Variants in RRP7A observed in about 807,000 individuals in gnomAD.
RRP7A encodes ribosomal RNA processing 7 homolog A.
Under a neutral mutation model 38.4 loss-of-function variants are expected in RRP7A, and 27 were observed. That is an observed-to-expected ratio of 0.70 (90% CI 0.52 to 0.97). RRP7A has a LOEUF of 0.97. Among genes scored for constraint, RRP7A ranks in the 50% least tolerant of loss-of-function variants. The probability of loss-of-function intolerance (pLI) is 0.00; values close to 1 mark genes in which losing one functional copy is unlikely to be tolerated. For missense variants in RRP7A, 327 were observed against 375.4 expected (o/e 0.87, Z 1.07); for synonymous variants, 124 against 150.3 (o/e 0.83, Z 1.28).
intron 1 of RRP7A, 142 bp from the exon 2 acceptor site, chr22:42,518,289 AC>A: frequency 6.6e-6 from 5 of 758,296 alleles, no homozygotes; most frequent in Non-Finnish European, 1.1e-5. Context: ...AACCCCCCTT[AC>A]CCTACTCTTT....
rs1322952927 is a variant in RRP7A, at chr22:42,516,066, A to G, written c.287T>C (p.Leu96Pro). 8 of 1,612,852 alleles carry G rather than the reference A, an allele frequency of 5.0e-6. No homozygotes were observed. Among genetic ancestry groups the G allele is most frequent in the East Asian group, 2.2e-5 (1 of 44,846 alleles). Residue 96 changes from leucine (L) to proline (P), a missense_variant, in exon 3 of 7, where the codon CTG (leucine) becomes CCG (proline). Around this residue, in one of 5 missense-constraint regions of RRP7A, gnomAD observed 183 missense variants for 141.8 expected, o/e 1.29. Transcript: ENST00000323013. ...QSVELQEKPDLAESPKESRSK... is the reference protein window; with the variant it reads ...QSVELQEKPDPAESPKESRSK... The stretch of plus-strand genomic sequence containing the variant: ...CCTTGACTCCTTTGGGCTCTCAGCC[A>G]GGTCCGGCTTCTCCTGCAACTCTAC...
chr22:42,518,689 AC>A (rs1920938154), intron 1 of RRP7A: 1 of 470,592 alleles, frequency 2.1e-6, no homozygotes, highest in South Asian at 1.5e-5. Flanking sequence ...CTCAGATCCC[AC>A]TGCCTGTGCC....
intron 6 of RRP7A, among the ~76,000 whole-genome samples, 181 bp from the exon 7 acceptor site, chr22:42,513,176 G>A (rs534367127): frequency 1.4e-5 from 2 of 145,818 alleles, no homozygotes; most frequent in South Asian, 4.2e-4. Flanking sequence ...AAACAGAACC[G>A]ACGGCAGGCC....
rs188386588 is a variant in RRP7A, at chr22:42,519,705, G to T, written c.73+9C>A. The T allele has an allele frequency of 1.3e-3, 1,856 of 1,448,184 alleles. 14 individuals are homozygous for T. In the African/African-American group the frequency reaches 0.024, roughly 19 times the overall value. The allele number at this position is 1,448,184 out of a possible 1,614,324, so 89.7% of individuals were successfully genotyped here. ...ACCGCCCCCGGTCTCGCGTCCCGGA[G>T]CCCCTCACCTGCGTAGCCCAGTGGG... On this transcript the variant is annotated intron_variant, in intron 1 of 6. Transcript: ENST00000323013.
Position 42,518,139 on chromosome 22 carries a change from T to G in RRP7A, c.82A>C (p.Ile28Leu). 6.2e-7 allele frequency: 1 copy of G among 1,612,310 alleles called. No homozygotes were observed. Residue 28 changes from isoleucine (I) to leucine (L), a missense_variant, in exon 2 of 7, where the codon ATC becomes CTC. This residue lies in a region of RRP7A where 183 missense variants were observed against 141.8 expected (regional missense o/e 1.29). Transcript: ENST00000323013. ...GCCTGTTGCTTTTCAGAGAACTTGA[T>G]TGGAATAGCTGGAAAGGAAATGGGA... is the stretch of plus-strand genomic sequence containing the variant. Reference protein sequence around the residue: ...PSPLGYAAIPIKFSEKQQASH... With the variant: ...PSPLGYAAIPLKFSEKQQASH...
intron 2 of RRP7A, among the ~76,000 whole-genome samples, chr22:42,517,289 T>TTAAATAAATAAA (rs3046334): frequency 7.6e-6 from 1 of 131,690 alleles, no homozygotes; most frequent in Non-Finnish European, 1.6e-5. Flanking sequence ...AATAAATAAA[T>TTAAATAAATAAA]TAAATAAATA....
chr22:42,513,991 C>T (rs1920923711), intron 6 of RRP7A, 115 bp downstream of exon 6: 8 of 890,016 alleles, frequency 9.0e-6, no homozygotes, highest in African/African-American at 1.6e-5. Context: ...CTTAGGGACG[C>T]CCTCCCTCCT....
At chr22:42,513,269 G>GCCCCCC (rs1920922647) in intron 6 of RRP7A, among the ~76,000 whole-genome samples, 1 of 135,908 alleles carries the variant, frequency 7.4e-6, no homozygotes, top group Non-Finnish European at 1.6e-5. Flanking sequence ...AAAGGTACCC[G>GCCCCCC]CCCCCACCCC....
At chr22:42,516,302 C>T in intron 2 of RRP7A, 166 bp from the exon 3 acceptor site, 3 of 866,478 alleles carry the variant, frequency 3.5e-6, no homozygotes, top group Non-Finnish European at 5.6e-6. Context: ...CCGACCTGTT[C>T]CCCAGGGACA....
At chr22:42,518,515 C>T (rs1236494932) in intron 1 of RRP7A, 68 of 434,454 alleles carry the variant, frequency 1.6e-4, no homozygotes, top group Middle Eastern at 7.1e-4. Context: ...GTACCATCTT[C>T]CCCCAGCACC....
At chr22:42,514,659 G>C (rs760721432) in intron 5 of RRP7A, 23 bp downstream of exon 5, 1 of 1,587,608 alleles carries the variant, frequency 6.3e-7, no homozygotes, top group Non-Finnish European at 8.6e-7. Flanking sequence ...TGCGGGGCTC[G>C]GCCGACCCCG....
chr22:42,513,861 A>G (rs1042945953), intron 6 of RRP7A, among the ~76,000 whole-genome samples: 4 of 152,116 alleles, frequency 2.6e-5, no homozygotes, highest in African/African-American at 9.7e-5. Context: ...GTGGGCACTG[A>G]TGACCTAGGG....
Position 42,516,129 on chromosome 22 carries a change from A to G in RRP7A, c.224T>C (p.Leu75Pro). 1 of 1,613,002 alleles carries G rather than the reference A, an allele frequency of 6.2e-7. No homozygotes were observed. Among genetic ancestry groups the G allele is most frequent in the Non-Finnish European group, 8.5e-7 (1 of 1,179,536 alleles). Residue 75 changes from leucine to proline, a missense_variant, in exon 3 of 7, where the codon CTG becomes CCG. Around this residue, in one of 5 missense-constraint regions of RRP7A, gnomAD observed 183 missense variants for 141.8 expected, o/e 1.29. Transcript: ENST00000323013. ...NVPPYCTEESLSRLLSTCGLV... is the reference protein window; with the variant it reads ...NVPPYCTEESPSRLLSTCGLV... ...GCCACAGGTGGACAGGAGGCGGGAC[A>G]GGCTCTCCTGCCGCAGGGAGAGGGA...
chr22:42,514,026 C>G (rs1380143378), intron 6 of RRP7A, 80 bp downstream of exon 6: 39 of 1,305,824 alleles, frequency 3.0e-5, no homozygotes, highest in Non-Finnish European at 9.7e-6. Flanking sequence ...AGCGCCCGCC[C>G]TCAGGAGCAC....
chr22:42,508,743 C>G lies in RRP7A; in HGVS notation c.*4167G>C, dbSNP rs1400241006. ...CCCAACTCACTTCTCTGACTTTAATCACACAGCCATACCTGGTGGCAAAGG... is the reference window on the plus strand; with the variant it reads ...CCCAACTCACTTCTCTGACTTTAATGACACAGCCATACCTGGTGGCAAAGG... On this transcript the variant is annotated 3_prime_UTR_variant, in exon 7 of 7. Transcript: ENST00000323013. 6.6e-6 allele frequency among the ~76,000 whole-genome samples: 1 copy of G among 152,258 alleles called. No homozygotes were observed. Among genetic ancestry groups the G allele is most frequent in the Non-Finnish European group, 1.5e-5 (1 of 68,050 alleles).
At chr22:42,516,352 T>C (rs1348775886) in intron 2 of RRP7A, 4 of 620,600 alleles carry the variant, frequency 6.4e-6, no homozygotes, top group Non-Finnish European at 1.2e-5. Flanking sequence ...TTTTTTTGAG[T>C]TGGAGTATTG....
chr22:42,518,700 C>T, intron 1 of RRP7A: 1 of 470,930 alleles, frequency 2.1e-6, no homozygotes, highest in South Asian at 1.5e-5. Flanking sequence ...CTGCCTGTGC[C>T]TTCACAGCTT....
intron 2 of RRP7A, among the ~76,000 whole-genome samples, chr22:42,517,170 TG>T (rs1920932275): frequency 6.6e-6 from 1 of 151,726 alleles, no homozygotes; most frequent in Non-Finnish European, 1.5e-5. Context: ...TCCAGCTGCT[TG>T]GGAGGCTGCG....
intron 2 of RRP7A, among the ~76,000 whole-genome samples, chr22:42,516,872 C>T (rs1920931268): frequency 1.3e-5 from 2 of 152,178 alleles, no homozygotes; most frequent in African/African-American, 4.8e-5. Flanking sequence ...GGCACACATG[C>T]TGCACTTCAA....
Sources: allele counts gnomAD v4.1 joint callset (sites outside exome capture counted in the v4.1 genomes callset), GRCh38; gene constraint gnomAD v4.1.1; regional missense constraint gnomAD v4.1.1; transcripts MANE v1.5; gene names NCBI Gene and HGNC (gene_info 2026-07-23, HGNC 2026-07-21).